DTNA: variants seen among roughly 807,000 people sequenced by gnomAD.
DTNA encodes dystrobrevin alpha.
Under a neutral mutation model 100.7 loss-of-function variants are expected in DTNA, and 43 were observed. The ratio of observed to expected loss-of-function variants is 0.43; its 90% CI spans 0.33 to 0.55. The LOEUF is 0.55. Ranked by LOEUF, DTNA falls within the 20% of genes least tolerant of loss-of-function variation. The pLI, the probability that DTNA is intolerant of heterozygous loss-of-function variation, is 0.04. For synonymous variants in DTNA, 349 were observed against 347.9 expected (o/e 1.00, Z -0.04); for missense variants, 798 against 953.9 (o/e 0.84, Z 2.15).
At chr18:34,691,062 C>T (rs1455853912) in intron 1 of DTNA, among the ~76,000 whole-genome samples, 3 of 152,198 alleles carry the variant, frequency 2.0e-5, no homozygotes, top group Non-Finnish European at 4.4e-5. Context: ...TGATGCTCCA[C>T]TGCCTCTTAG....
chr18:34,521,124 GA>G (rs1228352997), intron 1 of DTNA, among the ~76,000 whole-genome samples: 1 of 152,088 alleles, frequency 6.6e-6, no homozygotes, highest in African/African-American at 2.4e-5. Context: ...AACAACTCTT[GA>G]TTACTCCTTT....
At chr18:34,545,581 C>G (rs1374666630) in intron 1 of DTNA, among the ~76,000 whole-genome samples, 1 of 152,002 alleles carries the variant, frequency 6.6e-6, no homozygotes, top group African/African-American at 2.4e-5. Context: ...GCATGTAAAA[C>G]ATTGAAATGG....
intron 1 of DTNA, among the ~76,000 whole-genome samples, chr18:34,551,651 T>C (rs572840034): frequency 3.9e-5 from 6 of 152,234 alleles, no homozygotes; most frequent in African/African-American, 1.4e-4. Context: ...CAGAGGATAC[T>C]TGTGTTTGCT....
Position 34,888,785 on chromosome 18 carries a change from TC to T in DTNA, c.*1056del. 2 of 985,860 alleles carry T rather than the reference TC, an allele frequency of 2.0e-6. No individual in the cohort carries two copies. The highest frequency in any genetic ancestry group is 2.4e-6 in the Non-Finnish European group (2 of 829,944). 61.1% of individuals were successfully genotyped at this position (985,860 alleles called of 1,614,324 possible). A position where few individuals can be genotyped will look rare whatever the true frequency, so the allele number is the denominator to read the frequency against. ...TTAACAGCACCGCTCGTTCACAAGT[TC>T]CCCCATCAAGTTGTTTGGAGGCCTT... is the stretch of plus-strand genomic sequence containing the variant. On this transcript the variant is annotated 3_prime_UTR_variant, in exon 23 of 23. Transcript: ENST00000444659.
rs2096663003 is a variant in DTNA at position 34,864,052 on chromosome 18, A to G, written c.1733A>G (p.Lys578Arg). ...ATGGTCCAGTTGGAGGGTCTCATGA[A>G]GCTACTAAAGGTAAGACCTGCCAGA... is the stretch of plus-strand genomic sequence containing the variant. Reference protein sequence around the residue: ...ELMVQLEGLMKLLKTQGAGSP... With the variant: ...ELMVQLEGLMRLLKTQGAGSP... The change falls in exon 17 of 23, where the codon AAG (lysine) becomes AGG (arginine). Residue 578 changes from lysine to arginine, a missense_variant. Lys to Arg is a conservative substitution (Grantham distance 26). Around this residue, in one of 6 missense-constraint regions of DTNA, gnomAD observed 26 missense variants for 55.0 expected, o/e 0.47. Transcript: ENST00000444659. 6.2e-7 allele frequency: 1 copy of G among 1,609,392 alleles called. No homozygotes were observed. The highest frequency in any genetic ancestry group is 8.5e-7 in the Non-Finnish European group (1 of 1,177,988).
intron 1 of DTNA, among the ~76,000 whole-genome samples, chr18:34,562,469 A>G (rs748216485): frequency 2.6e-5 from 4 of 152,236 alleles, no homozygotes; most frequent in Non-Finnish European, 5.9e-5. Context: ...GTCAGAAGTT[A>G]ATAATAGAGA....
rs1445910824 is a variant in DTNA at position 34,868,601 on chromosome 18, C to A, written c.1743+4539C>A. ...CAACAAATTGTGCTGGATTTAATAACCTCTACTTGCTTTATCATAAGTCTG... is the reference window on the plus strand; with the variant it reads ...CAACAAATTGTGCTGGATTTAATAAACTCTACTTGCTTTATCATAAGTCTG... On this transcript the variant is annotated intron_variant, in intron 17 of 22. Coordinates refer to ENST00000444659, the MANE Select transcript of DTNA (RefSeq NM_001386795.1). The A allele has an allele frequency of 1.6e-5, 16 of 985,292 alleles. No individual in the cohort carries two copies. In the Admixed American group the frequency reaches 9.2e-4, roughly 57 times the overall value. 61.0% of individuals were successfully genotyped at this position (985,292 alleles called of 1,614,324 possible).
chr18:34,739,090 G>A (rs2090160150), intron 1 of DTNA, among the ~76,000 whole-genome samples: 1 of 151,926 alleles, frequency 6.6e-6, no homozygotes, highest in African/African-American at 2.4e-5. Flanking sequence ...TAGTAATCCT[G>A]TTTCTATTGT....
chr18:34,702,622 C>T (rs1183083379), intron 1 of DTNA, among the ~76,000 whole-genome samples: 5 of 152,132 alleles, frequency 3.3e-5, no homozygotes, highest in Non-Finnish European at 5.9e-5. Flanking sequence ...TTGATCTAGC[C>T]CCTAGTCCCT....
At chr18:34,508,617 A>T (rs1177366331) in intron 1 of DTNA, among the ~76,000 whole-genome samples, 1 of 152,178 alleles carries the variant, frequency 6.6e-6, no homozygotes, top group East Asian at 1.9e-4. Context: ...CAGATTTGAG[A>T]AGTAGTCTGT....
At chr18:34,650,865 C>T (rs777285896) in intron 1 of DTNA, among the ~76,000 whole-genome samples, 12 of 152,104 alleles carry the variant, frequency 7.9e-5, no homozygotes, top group Admixed American at 2.0e-4. Flanking sequence ...TCTTCATGTA[C>T]ATTAGTAATT....
intron 1 of DTNA, among the ~76,000 whole-genome samples, chr18:34,625,329 C>G (rs966738595): frequency 1.3e-5 from 2 of 151,988 alleles, no homozygotes; most frequent in African/African-American, 4.8e-5. Context: ...ACGCCTGGCC[C>G]ACCCAGTTAA....
In DTNA at chr18:34,794,186, C is replaced by A. The variant is rs959010180; in HGVS notation, c.298C>A (p.His100Asn). ...GCTCAACAAACGGATGCCAACCACT[C>A]ACCAAATCCATGTGGAGCAGTCCAT... ...YQLNKRMPTT[H>N]QIHVEQSISL... Residue 100 changes from histidine to asparagine, a missense_variant, in exon 4 of 23, where the codon CAC (histidine) becomes AAC (asparagine). Coordinates refer to ENST00000444659, the MANE Select transcript of DTNA (RefSeq NM_001386795.1). 6.2e-7 allele frequency: 1 copy of A among 1,614,068 alleles called. No individual in the cohort carries two copies. The highest frequency in any genetic ancestry group is 8.5e-7 in the Non-Finnish European group (1 of 1,180,030).
intron 1 of DTNA, among the ~76,000 whole-genome samples, chr18:34,599,295 T>C (rs752295994): frequency 3.9e-5 from 6 of 152,206 alleles, no homozygotes; most frequent in South Asian, 2.1e-4. Context: ...TCGCAAAATA[T>C]GAAAATATGA....
At chr18:34,782,845 C>G (rs1309334519) in intron 3 of DTNA, among the ~76,000 whole-genome samples, 1 of 152,138 alleles carries the variant, frequency 6.6e-6, no homozygotes, top group African/African-American at 2.4e-5. Context: ...CAGAGCAGAA[C>G]CTTATAATAT....
chr18:34,890,183 G>A lies in DTNA; in HGVS notation c.*2449G>A. 4.9e-6 allele frequency: 7 copies of A among 1,441,866 alleles called. No individual in the cohort carries two copies. The South Asian group carries it at 9.0e-5, about 18-fold the overall frequency. The allele number at this position is 1,441,866 out of a possible 1,614,324, so 89.3% of individuals were successfully genotyped here. A position where few individuals can be genotyped will look rare whatever the true frequency, so the allele number is the denominator to read the frequency against. On this transcript the variant is annotated 3_prime_UTR_variant, in exon 23 of 23. Transcript: ENST00000444659. The stretch of plus-strand genomic sequence containing the variant: ...TCCCCGTTGTCATAGCTATTTCATT[G>A]CCAACCAACTCCATCACATGGTTGT...
chr18:34,855,368 G>A (rs2096540116), intron 15 of DTNA, among the ~76,000 whole-genome samples: 1 of 152,128 alleles, frequency 6.6e-6, no homozygotes, highest in Non-Finnish European at 1.5e-5. Flanking sequence ...ACTAGAAGCT[G>A]GTGGGAAGTG....
At chr18:34,792,912 G>A (rs552801430) in intron 3 of DTNA, among the ~76,000 whole-genome samples, 175 of 152,194 alleles carry the variant, frequency 1.1e-3, no homozygotes, top group African/African-American at 4.0e-3. Flanking sequence ...ATTGTTCATA[G>A]CAATTTTATT....
At chr18:34,682,365 A>T (rs1029973727) in intron 1 of DTNA, among the ~76,000 whole-genome samples, 4 of 152,176 alleles carry the variant, frequency 2.6e-5, no homozygotes, top group Middle Eastern at 3.2e-3. Flanking sequence ...TTTTGATTTA[A>T]TTACTTTTGC....
Sources: gnomAD v4.1 joint callset for allele counts (sites outside exome capture counted in the v4.1 genomes callset) on GRCh38, gnomAD v4.1.1 for gene constraint, gnomAD v4.1.1 regional missense constraint, MANE v1.5 for transcripts, NCBI Gene and HGNC (gene_info 2026-07-23, HGNC 2026-07-21) for gene names.